Variants in LSM8 observed in about 807,000 individuals in gnomAD.
LSM8 encodes LSM8 U6 small nuclear RNA associated.
Under a neutral mutation model 15.0 loss-of-function variants are expected in LSM8, and 14 were observed. That is an observed-to-expected ratio of 0.93 (90% CI 0.62 to 1.46). The LOEUF (loss-of-function observed/expected upper bound fraction) is 1.46. Among genes scored for constraint, LSM8 ranks in the 40% most tolerant of loss-of-function variants. The pLI, the probability that LSM8 is intolerant of heterozygous loss-of-function variation, is 0.00. For synonymous variants in LSM8, 50 were observed against 42.1 expected, an observed-to-expected ratio of 1.19 and a Z score of -0.73; for missense variants, 90 against 115.4, an observed-to-expected ratio of 0.78 and a Z score of 1.01.
chr7:118,192,767 A>C lies in LSM8; in HGVS notation c.*765A>C, dbSNP rs549493392. 3 of 152,316 alleles carry C rather than the reference A, an allele frequency of 2.0e-5. No homozygotes were observed. Among genetic ancestry groups the C allele is most frequent in the Admixed American group, 6.5e-5 (1 of 15,298 alleles). 9.4% of individuals were successfully genotyped at this position (152,316 alleles called of 1,614,324 possible). Reference sequence around the variant, plus strand: ...ATTTTTAATTTTTAAGAATTGGAGAATTTCTAATGTTAAAGTTAGTTTATA... The same window carrying C: ...ATTTTTAATTTTTAAGAATTGGAGACTTTCTAATGTTAAAGTTAGTTTATA... On this transcript the variant is annotated 3_prime_UTR_variant, in exon 4 of 4. Transcript: ENST00000249299.
At chr7:118,188,697 G>A in intron 3 of LSM8, 1 of 203,780 alleles carries the variant, frequency 4.9e-6, no homozygotes, top group Non-Finnish European at 9.8e-6. Context: ...GTCCAGAAAG[G>A]GCTCTGCCTT....
rs905671614 is a variant in LSM8, at chr7:118,195,257, T to A, written c.*3255T>A. On this transcript the variant is annotated 3_prime_UTR_variant, in exon 4 of 4. Coordinates refer to ENST00000249299, the MANE Select transcript of LSM8 (RefSeq NM_016200.5). ...AAGACCTAGCACTTACCTGCTGGGATGAGTCTCTAACCCCACAGAATTGAT... is the reference window on the plus strand; with the variant it reads ...AAGACCTAGCACTTACCTGCTGGGAAGAGTCTCTAACCCCACAGAATTGAT... Among the ~76,000 whole-genome samples the A allele has an allele frequency of 6.6e-6, 1 of 152,196 alleles. No homozygotes were observed. Among genetic ancestry groups the A allele is most frequent in the Non-Finnish European group, 1.5e-5 (1 of 68,022 alleles).
At position 118,194,249 on chromosome 7, in the gene LSM8, T is replaced by C. The variant is rs922533257; in HGVS notation, c.*2247T>C. Among the ~76,000 whole-genome samples the C allele has an allele frequency of 6.6e-6, 1 of 152,160 alleles. No individual in the cohort carries two copies. Among genetic ancestry groups the C allele is most frequent in the Non-Finnish European group, 1.5e-5 (1 of 67,998 alleles). ...ATCAATTTCAACCTGTAATTACCTC[T>C]GTGCTTTGTGACTCAGGCACAATCT... On this transcript the variant is annotated 3_prime_UTR_variant, in exon 4 of 4. Transcript: ENST00000249299.
At chr7:118,185,798 G>A (rs1808879682) in intron 2 of LSM8, 104 bp downstream of exon 2, 1 of 962,022 alleles carries the variant, frequency 1.0e-6, no homozygotes, top group Non-Finnish European at 1.6e-6. Context: ...CATTACACCC[G>A]TAGTGCAATT....
rs1308832742 is a variant in LSM8 at position 118,198,420 on chromosome 7, C to T, written c.*6418C>T. Among the ~76,000 whole-genome samples the T allele has an allele frequency of 6.6e-6, 1 of 152,094 alleles. No individual in the cohort carries two copies. Among genetic ancestry groups the T allele is most frequent in the Admixed American group, 6.6e-5 (1 of 15,258 alleles). On this transcript the variant is annotated 3_prime_UTR_variant, in exon 4 of 4. Coordinates refer to ENST00000249299, the MANE Select transcript of LSM8 (RefSeq NM_016200.5). ...TCTACATTAAAGAAAGAAGAATAAACCTTAACAACTCATTAGTAATCCTTC... is the reference window on the plus strand; with the variant it reads ...TCTACATTAAAGAAAGAAGAATAAATCTTAACAACTCATTAGTAATCCTTC...
At chr7:118,185,507 A>C (rs957244381) in intron 1 of LSM8, 147 bp from the exon 2 acceptor site, 2 of 697,428 alleles carry the variant, frequency 2.9e-6, no homozygotes, top group Non-Finnish European at 4.9e-6. Context: ...AGAAACTTTT[A>C]ACGTTTTTAT....
In LSM8 at chr7:118,200,582, C is replaced by T. The variant is rs1809156514; in HGVS notation, c.*8580C>T. ...TTTAAATGCGGAGAACATGGCTAAC[C>T]ATTCAGGACCATTTAATTATCAAAT... On this transcript the variant is annotated 3_prime_UTR_variant, in exon 4 of 4. Coordinates refer to ENST00000249299, the MANE Select transcript of LSM8 (RefSeq NM_016200.5). 1.3e-5 allele frequency among the ~76,000 whole-genome samples: 2 copies of T among 152,016 alleles called. No individual in the cohort carries two copies. The highest frequency in any genetic ancestry group is 4.8e-5 in the African/African-American group (2 of 41,396).
In LSM8 at chr7:118,200,147, T is replaced by G. The variant is rs905556959; in HGVS notation, c.*8145T>G. 2.6e-5 allele frequency among the ~76,000 whole-genome samples: 4 copies of G among 152,160 alleles called. No individual in the cohort carries two copies. The highest frequency in any genetic ancestry group is 9.7e-5 in the African/African-American group (4 of 41,448). On this transcript the variant is annotated 3_prime_UTR_variant, in exon 4 of 4. Transcript: ENST00000249299. ...TCTTAATGCCTTTCAAGCAACATGT[T>G]TTTCTGACTTCCAAATATAAACAAC...
rs1809173450 is a variant in LSM8, at chr7:118,201,499, G to A, written c.*9497G>A. 6.6e-6 allele frequency among the ~76,000 whole-genome samples: 1 copy of A among 151,968 alleles called. No homozygotes were observed. The highest frequency in any genetic ancestry group is 1.5e-5 in the Non-Finnish European group (1 of 67,948). ...TTGCATCAATAAATCGCTCTGTGAT[G>A]CATTTTATAATGTACAACCAAGAAT... On this transcript the variant is annotated 3_prime_UTR_variant, in exon 4 of 4. Transcript: ENST00000249299.
rs1362366952 is a variant in LSM8 at position 118,195,154 on chromosome 7, CGTT to C, written c.*3155_*3157del. ...TTTAAAAATTTTCTTGGGCCCTACT[CGTT>C]GTGGTTCAGCAGCTGTGTAATGGAG... On this transcript the variant is annotated 3_prime_UTR_variant, in exon 4 of 4. Transcript: ENST00000249299. Among the ~76,000 whole-genome samples, 11 of 152,162 alleles carry C rather than the reference CGTT, an allele frequency of 7.2e-5. No individual in the cohort carries two copies. The highest frequency in any genetic ancestry group is 1.2e-4 in the Non-Finnish European group (8 of 67,996).
Position 118,195,751 on chromosome 7 carries a change from A to G in LSM8, c.*3749A>G, listed in dbSNP as rs987759326. 6.6e-6 allele frequency among the ~76,000 whole-genome samples: 1 copy of G among 152,200 alleles called. No individual in the cohort carries two copies. Among genetic ancestry groups the G allele is most frequent in the Non-Finnish European group, 1.5e-5 (1 of 68,036 alleles). ...TTTTACTTATTTTGGGTTTAAAAAA[A>G]CTTGGGCTGTGAATCTCAGTTTTAA... is the stretch of plus-strand genomic sequence containing the variant. On this transcript the variant is annotated 3_prime_UTR_variant, in exon 4 of 4. Transcript: ENST00000249299.
chr7:118,196,735 T>TATTTATTC lies in LSM8; in HGVS notation c.*4740_*4741insCATTTATT, dbSNP rs1809084345. ...TTATTTATTTATTTATTTATTTATT[T>TATTTATTC]ATTTATTTATTTTTGAGACACTTCT... On this transcript the variant is annotated 3_prime_UTR_variant, in exon 4 of 4. Transcript: ENST00000249299. Among the ~76,000 whole-genome samples, 2 of 148,308 alleles carry TATTTATTC rather than the reference T, an allele frequency of 1.3e-5. No homozygotes were observed. Among genetic ancestry groups the TATTTATTC allele is most frequent in the Non-Finnish European group, 3.0e-5 (2 of 67,260 alleles).
rs779087709 is a variant in LSM8, at chr7:118,194,566, C to T, written c.*2564C>T. Among the ~76,000 whole-genome samples, 16 of 151,916 alleles carry T rather than the reference C, an allele frequency of 1.1e-4. No individual in the cohort carries two copies. The highest frequency in any genetic ancestry group is 3.6e-4 in the African/African-American group (15 of 41,344). On this transcript the variant is annotated 3_prime_UTR_variant, in exon 4 of 4. Transcript: ENST00000249299. ...TGTTTAACAACTTTATAACATCCTT[C>T]GGAATTTTTAAGGTAATAATGTGAG... is the stretch of plus-strand genomic sequence containing the variant.
chr7:118,187,334 G>A (rs1808904531), intron 2 of LSM8, among the ~76,000 whole-genome samples: 1 of 152,140 alleles, frequency 6.6e-6, no homozygotes, highest in Admixed American at 6.5e-5. Context: ...GAGTTACTCT[G>A]TTATGCTAGA....
intron 2 of LSM8, among the ~76,000 whole-genome samples, chr7:118,187,343 G>A (rs565637695): frequency 2.0e-5 from 3 of 152,164 alleles, no homozygotes; most frequent in African/African-American, 7.2e-5. Context: ...TGTTATGCTA[G>A]ACCCATGTCT....
intron 3 of LSM8, chr7:118,191,378 CCTA>C (rs1213707405): frequency 6.6e-6 from 1 of 152,364 alleles, no homozygotes; most frequent in Non-Finnish European, 1.5e-5. Flanking sequence ...AGTACTTGTT[CCTA>C]CTATTATTTT....
At chr7:118,191,670 C>G (rs894957073) in intron 3 of LSM8, 1 of 426,910 alleles carries the variant, frequency 2.3e-6, no homozygotes, top group African/African-American at 2.0e-5. Flanking sequence ...ACAATGTGTC[C>G]TTTAATATTG....
chr7:118,184,398 C>A (rs1424013180), intron 1 of LSM8, 144 bp downstream of exon 1: 2 of 980,798 alleles, frequency 2.0e-6, no homozygotes, highest in East Asian at 6.6e-5. Flanking sequence ...ACCCAGAGTT[C>A]GCCGGCGGCG....
intron 3 of LSM8, 138 bp from the exon 4 acceptor site, chr7:118,191,774 C>T (rs1223085569): frequency 2.1e-5 from 13 of 622,722 alleles, no homozygotes; most frequent in East Asian, 5.8e-5. Context: ...TGCTTTTTAC[C>T]TTAATTCTTT....
Sources: allele counts gnomAD v4.1 joint callset (sites outside exome capture counted in the v4.1 genomes callset), GRCh38; gene constraint gnomAD v4.1.1; transcripts MANE v1.5; gene names NCBI Gene and HGNC (gene_info 2026-07-23, HGNC 2026-07-21).